The following FRMD6 variants were observed in gnomAD, a reference collection of about 807,000 sequenced individuals.
FRMD6 encodes the protein FERM domain containing 6, also known as FERM domain-containing protein 6.
FRMD6 carries 37 observed loss-of-function variants against 73.2 expected under a neutral mutation model. That is an observed-to-expected ratio of 0.51 (90% CI 0.39 to 0.66). The LOEUF (loss-of-function observed/expected upper bound fraction) is 0.66. Among genes scored for constraint, FRMD6 ranks in the 30% least tolerant of loss-of-function variants. The pLI, the probability that FRMD6 is intolerant of heterozygous loss-of-function variation, is 0.00. For missense variants in FRMD6, 714 were observed against 780.5 expected, an observed-to-expected ratio of 0.91 and a Z score of 1.02; for synonymous variants, 273 against 282.2, an observed-to-expected ratio of 0.97 and a Z score of 0.33.
the FRMD6 span, among the ~76,000 whole-genome samples, chr14:51,456,282 A>G: frequency 5.9e-5 from 9 of 152,062 alleles, no homozygotes; most frequent in South Asian, 1.9e-3. Context: ...GGTATTTCTC[A>G]TAATGCCATC....
At chr14:51,398,662 A>G in the FRMD6 span, among the ~76,000 whole-genome samples, 1 of 152,198 alleles carries the variant, frequency 6.6e-6, no homozygotes, top group Non-Finnish European at 1.5e-5. Context: ...ACAAAGAAAT[A>G]ATGATAAACC....
At chr14:51,485,158 G>T (rs1008098340), upstream of FRMD6, among the ~76,000 whole-genome samples, 3 of 152,166 alleles carry the variant, frequency 2.0e-5, no homozygotes, top group Non-Finnish European at 2.9e-5. Flanking sequence ...GGTTACAGAG[G>T]GCCTCTCACC....
At chr14:51,433,321 A>G in the FRMD6 span, among the ~76,000 whole-genome samples, 1 of 152,302 alleles carries the variant, frequency 6.6e-6, no homozygotes, top group East Asian at 1.9e-4. Context: ...GATTGAATAA[A>G]ACCATGGTTC....
At chr14:51,663,069 A>G (rs972648231) in intron 1 of FRMD6, among the ~76,000 whole-genome samples, 1 of 152,252 alleles carries the variant, frequency 6.6e-6, no homozygotes, top group East Asian at 1.9e-4. Flanking sequence ...ACAGCGAGAT[A>G]CCATCTCACA....
At chr14:51,550,818 C>G (rs1271389564) in intron 1 of FRMD6, among the ~76,000 whole-genome samples, 1 of 152,184 alleles carries the variant, frequency 6.6e-6, no homozygotes, top group African/African-American at 2.4e-5. Context: ...GCTAGTTTCC[C>G]TTGCCTCTCT....
intron 7 of FRMD6, among the ~76,000 whole-genome samples, chr14:51,709,576 T>C (rs893742647): frequency 6.6e-6 from 1 of 152,172 alleles, no homozygotes; most frequent in Non-Finnish European, 1.5e-5. Flanking sequence ...CTCTCTTCTA[T>C]GCCCAAGAGA....
chr14:51,429,004 A>AGGGTGGGAGAGAGG, the FRMD6 span, among the ~76,000 whole-genome samples: 1 of 112,512 alleles, frequency 8.9e-6, no homozygotes, highest in Non-Finnish European at 1.7e-5. Context: ...TGGGAGAGAG[A>AGGGTGGGAGAGAGG]GGGGAGAGAG....
rs1480306505 is a variant in FRMD6, at chr14:51,728,195, T to G, written c.*166T>G. ...ACAAAAGCCTTGGAACAATTGCACT[T>G]TAAGTATTACACAGAAGTAAAAGAA... On this transcript the variant is annotated 3_prime_UTR_variant, in exon 14 of 14. Transcript: ENST00000344768. 1.5e-6 allele frequency: 1 copy of G among 658,260 alleles called. No individual in the cohort carries two copies. The highest frequency in any genetic ancestry group is 2.5e-6 in the Non-Finnish European group (1 of 397,414). 40.8% of individuals were successfully genotyped at this position (658,260 alleles called of 1,614,324 possible).
At chr14:51,454,293 A>G in the FRMD6 span, among the ~76,000 whole-genome samples, 1 of 152,258 alleles carries the variant, frequency 6.6e-6, no homozygotes, top group East Asian at 1.9e-4. Flanking sequence ...CATAAAAGCA[A>G]TGTATGTCCT....
At chr14:51,541,066 C>T (rs1022766109) in intron 1 of FRMD6, among the ~76,000 whole-genome samples, 11 of 152,106 alleles carry the variant, frequency 7.2e-5, no homozygotes, top group Admixed American at 5.2e-4. Context: ...TTCTTCTGAA[C>T]TCTGCAATTT....
the FRMD6 span, among the ~76,000 whole-genome samples, chr14:51,444,137 C>T: frequency 1.3e-5 from 2 of 152,152 alleles, no homozygotes; most frequent in African/African-American, 4.8e-5. Flanking sequence ...CCATGTTGAC[C>T]AGGCTGGTCT....
At position 51,549,654 on chromosome 14, in the gene FRMD6, GGC is replaced by G. The variant is rs1203439691; in HGVS notation, c.-209-20691_-209-20690del. 2.4e-4 allele frequency among the ~76,000 whole-genome samples: 30 copies of G among 125,430 alleles called. No individual in the cohort carries two copies. In the East Asian group the frequency reaches 4.5e-3, roughly 19 times the overall value. The allele number at this position is 125,430 out of a possible 152,430, so 82.3% of individuals were successfully genotyped here. ...GCTGTCGCCCGGGCTGGAGTGCAGTGGCGCACTCTCAGCTCACTGCAGGCTCC... is the reference window on the plus strand; with the variant it reads ...GCTGTCGCCCGGGCTGGAGTGCAGTGGCACTCTCAGCTCACTGCAGGCTCC... On this transcript the variant is annotated intron_variant, in intron 1 of 14. Transcript: ENST00000356218.
the FRMD6 span, among the ~76,000 whole-genome samples, chr14:51,453,384 C>G: frequency 6.6e-6 from 1 of 151,918 alleles, no homozygotes; most frequent in African/African-American, 2.4e-5. Context: ...AGCTGTGAAG[C>G]AAAGAGCTGT....
chr14:51,668,667 T>C (rs1385946588), intron 1 of FRMD6, among the ~76,000 whole-genome samples: 1 of 151,882 alleles, frequency 6.6e-6, no homozygotes, highest in African/African-American at 2.4e-5. Context: ...GAAATAATGC[T>C]GGTGTTTTTG....
intron 1 of FRMD6, among the ~76,000 whole-genome samples, chr14:51,548,590 G>A (rs944338465): frequency 8.5e-5 from 13 of 152,194 alleles, no homozygotes; most frequent in Non-Finnish European, 1.8e-4. Context: ...ATTGAAGAAA[G>A]TCTGTGAAAT....
the FRMD6 span, among the ~76,000 whole-genome samples, chr14:51,439,552 C>T: frequency 6.6e-6 from 1 of 152,152 alleles, no homozygotes; most frequent in Non-Finnish European, 1.5e-5. Flanking sequence ...GAGAGTAATA[C>T]TGCATCAGAC....
At position 51,588,918 on chromosome 14, in the gene FRMD6, A is replaced by G. The variant is rs1889213989; in HGVS notation, c.-147+18508A>G. 2.0e-5 allele frequency among the ~76,000 whole-genome samples: 3 copies of G among 152,188 alleles called. No homozygotes were observed. The East Asian group carries it at 5.8e-4, about 29-fold the overall frequency. On this transcript the variant is annotated intron_variant, in intron 2 of 14. Coordinates refer to the FRMD6 transcript ENST00000356218. Reference sequence around the variant, plus strand: ...GGGACTGTGCGCCACGGCTGATGCCATGTCACTGAGTGGTGACTGCACCAT... The same window carrying G: ...GGGACTGTGCGCCACGGCTGATGCCGTGTCACTGAGTGGTGACTGCACCAT...
the FRMD6 span, among the ~76,000 whole-genome samples, chr14:51,433,407 C>T: frequency 3.3e-5 from 5 of 152,120 alleles, no homozygotes; most frequent in South Asian, 6.2e-4. Flanking sequence ...GTGATTTTCC[C>T]GGACATACTT....
chr14:51,410,848 G>A, the FRMD6 span, among the ~76,000 whole-genome samples: 10 of 152,154 alleles, frequency 6.6e-5, no homozygotes. Flanking sequence ...ATATCTGTGT[G>A]TAATGTAATG....
Sources: allele counts gnomAD v4.1 joint callset (sites outside exome capture counted in the v4.1 genomes callset), GRCh38; gene constraint gnomAD v4.1.1; transcripts MANE v1.5; gene names NCBI Gene and HGNC (gene_info 2026-07-23, HGNC 2026-07-21).